The following HERPUD2 variants were observed in gnomAD, a reference collection of about 807,000 sequenced individuals.
The protein encoded by HERPUD2 is HERPUD family member 2, also known as homocysteine-responsive endoplasmic reticulum-resident ubiquitin-like domain member 2 protein.
A neutral mutation model predicts 49.9 loss-of-function variants in HERPUD2; 13 were observed. The ratio of observed to expected loss-of-function variants is 0.26; its 90% CI spans 0.17 to 0.41. The LOEUF is 0.41. Among genes scored for constraint, HERPUD2 ranks in the 10% least tolerant of loss-of-function variants. The probability of loss-of-function intolerance (pLI) is 1.00; values close to 1 mark genes in which losing one functional copy is unlikely to be tolerated. For missense variants in HERPUD2, 449 were observed against 492.2 expected, an observed-to-expected ratio of 0.91 and a Z score of 0.83; for synonymous variants, 172 against 171.4, an observed-to-expected ratio of 1.00 and a Z score of -0.03.
chr7:35,670,567 A>G (rs1785622814), intron 3 of HERPUD2, among the ~76,000 whole-genome samples: 1 of 152,076 alleles, frequency 6.6e-6, no homozygotes, highest in African/African-American at 2.4e-5. Context: ...GGGTTAAAAA[A>G]TTATTTTGCA....
At chr7:35,661,689 G>C (rs1785425593) in intron 5 of HERPUD2, among the ~76,000 whole-genome samples, 1 of 152,152 alleles carries the variant, frequency 6.6e-6, no homozygotes, top group Non-Finnish European at 1.5e-5. Context: ...TGTTATTGGT[G>C]TATAGGAATG....
chr7:35,647,729 T>A (rs1022778191), intron 5 of HERPUD2, among the ~76,000 whole-genome samples: 1 of 152,192 alleles, frequency 6.6e-6, no homozygotes, highest in East Asian at 1.9e-4. Context: ...AAGTTAAAAA[T>A]GGATTTGAAT....
intron 5 of HERPUD2, among the ~76,000 whole-genome samples, chr7:35,647,075 AGAG>A (rs1427204231): frequency 3.3e-5 from 5 of 152,216 alleles, no homozygotes; most frequent in Non-Finnish European, 5.9e-5. Flanking sequence ...TTAAAATTAC[AGAG>A]GAGAAGAGAT....
chr7:35,676,900 T>C (rs1785772122), intron 2 of HERPUD2, among the ~76,000 whole-genome samples: 1 of 152,202 alleles, frequency 6.6e-6, no homozygotes, highest in African/African-American at 2.4e-5. Flanking sequence ...AGATTTCTCA[T>C]TGATCTTCTC....
intron 2 of HERPUD2, among the ~76,000 whole-genome samples, chr7:35,692,068 A>ATCATTAATAGGCTGCATAG (rs1786202228): frequency 6.6e-6 from 1 of 152,258 alleles, no homozygotes; most frequent in African/African-American, 2.4e-5. Context: ...TGCCATGTTA[A>ATCATTAATAGGCTGCATAG]TCATTAATAG....
intron 5 of HERPUD2, among the ~76,000 whole-genome samples, chr7:35,648,618 T>C (rs1288117255): frequency 6.6e-6 from 1 of 152,200 alleles, no homozygotes; most frequent in Non-Finnish European, 1.5e-5. Context: ...CTTTGGCCAA[T>C]GTAGTATTAG....
At chr7:35,654,038 A>G (rs1396333605) in intron 5 of HERPUD2, among the ~76,000 whole-genome samples, 1 of 152,192 alleles carries the variant, frequency 6.6e-6, no homozygotes, top group Non-Finnish European at 1.5e-5. Context: ...GTCAAAAAAC[A>G]ATATACCAAA....
At position 35,658,995 on chromosome 7, in the gene HERPUD2, C is replaced by T. The variant is rs750783545; in HGVS notation, c.494+8439G>A. ...GATTCAAAACCTCAGGGAGTAGGGA[C>T]CAGAAATGAGCAATTTTCAGTTTTA... On this transcript the variant is annotated intron_variant, in intron 5 of 8. Transcript: ENST00000311350. 3.9e-5 allele frequency among the ~76,000 whole-genome samples: 6 copies of T among 152,240 alleles called. 1 individual carries two copies. Among genetic ancestry groups the T allele is most frequent in the Middle Eastern group, 6.8e-3 (2 of 294 alleles).
chr7:35,684,137 A>G (rs1402767320), intron 2 of HERPUD2, among the ~76,000 whole-genome samples: 1 of 152,224 alleles, frequency 6.6e-6, no homozygotes, highest in African/African-American at 2.4e-5. Context: ...CTGTAATCCC[A>G]GCACTTTGGG....
At chr7:35,642,500 A>T (rs1784982173) in intron 5 of HERPUD2, among the ~76,000 whole-genome samples, 1 of 152,228 alleles carries the variant, frequency 6.6e-6, no homozygotes, top group African/African-American at 2.4e-5. Flanking sequence ...TCATAAAGAC[A>T]TATGCATGTG....
At position 35,682,365 on chromosome 7, in the gene HERPUD2, A is replaced by G. The variant is rs887971596; in HGVS notation, c.148-9087T>C. ...TGTGTGTGTGTGTGTGTGTATATAT[A>G]TATATATATATATATATATATACTT... On this transcript the variant is annotated intron_variant, in intron 2 of 8. Transcript: ENST00000311350. 8.5e-3 allele frequency among the ~76,000 whole-genome samples: 784 copies of G among 92,532 alleles called. 88 individuals carry two copies. Among genetic ancestry groups the G allele is most frequent in the Non-Finnish European group, 0.011 (500 of 44,148 alleles). The allele number at this position is 92,532 out of a possible 152,430, so 60.7% of individuals were successfully genotyped here.
chr7:35,645,718 A>G (rs1785042949), intron 5 of HERPUD2, among the ~76,000 whole-genome samples: 1 of 152,236 alleles, frequency 6.6e-6, no homozygotes, highest in African/African-American at 2.4e-5. Flanking sequence ...TCGTGATTTT[A>G]AGTGAGGACT....
chr7:35,653,051 A>G (rs1007639705), intron 5 of HERPUD2, among the ~76,000 whole-genome samples: 1 of 152,230 alleles, frequency 6.6e-6, no homozygotes, highest in Admixed American at 6.5e-5. Context: ...GAAATCAATT[A>G]CTAAAATGAC....
At chr7:35,667,118 T>C (rs756070697) in intron 5 of HERPUD2, among the ~76,000 whole-genome samples, 1 of 152,152 alleles carries the variant, frequency 6.6e-6, no homozygotes, top group East Asian at 1.9e-4. Flanking sequence ...ATTAGCATCA[T>C]CTGGGAGCTT....
intron 5 of HERPUD2, among the ~76,000 whole-genome samples, chr7:35,664,202 A>T (rs1785489953): frequency 6.6e-6 from 1 of 152,188 alleles, no homozygotes; most frequent in East Asian, 1.9e-4. Context: ...TCTTTTAAGA[A>T]TATTGAATAT....
chr7:35,679,523 C>G (rs531086346), intron 2 of HERPUD2, among the ~76,000 whole-genome samples: 10 of 152,322 alleles, frequency 6.6e-5, no homozygotes, highest in African/African-American at 2.4e-4. Flanking sequence ...AAGACAGACA[C>G]CGCAGCCTTT....
intron 2 of HERPUD2, among the ~76,000 whole-genome samples, chr7:35,676,439 A>C (rs1785763278): frequency 6.6e-6 from 1 of 152,158 alleles, no homozygotes; most frequent in Non-Finnish European, 1.5e-5. Context: ...CTCCTGCATC[A>C]CTTTAACATG....
intron 5 of HERPUD2, among the ~76,000 whole-genome samples, chr7:35,652,005 A>C (rs1054546333): frequency 6.6e-6 from 1 of 152,186 alleles, no homozygotes; most frequent in African/African-American, 2.4e-5. Flanking sequence ...GGTCATCCAG[A>C]GGCAAAACTC....
chr7:35,685,626 G>A (rs756329981), intron 2 of HERPUD2, among the ~76,000 whole-genome samples: 3 of 151,704 alleles, frequency 2.0e-5, no homozygotes, highest in Non-Finnish European at 1.5e-5. Context: ...GTGCCTGGCC[G>A]GAAATTTTTT....
Sources: allele counts gnomAD v4.1 joint callset (sites outside exome capture counted in the v4.1 genomes callset), GRCh38; gene constraint gnomAD v4.1.1; transcripts MANE v1.5; gene names NCBI Gene and HGNC (gene_info 2026-07-23, HGNC 2026-07-21).